HMGB1: variants seen among roughly 807,000 people sequenced by gnomAD.
HMGB1 encodes high mobility group protein B1.
For synonymous variants in HMGB1, 81 were observed against 84.0 expected, an observed-to-expected ratio of 0.96 and a Z score of 0.19; for missense variants, 79 against 253.5, an observed-to-expected ratio of 0.31 and a Z score of 4.67.
At chr13:30,571,575 T>C (rs1870437318) in intron 1 of HMGB1, among the ~76,000 whole-genome samples, 2 of 152,204 alleles carry the variant, frequency 1.3e-5, no homozygotes, top group Non-Finnish European at 2.9e-5. Flanking sequence ...ATTACAGGCG[T>C]GAGCCACCGT....
At chr13:30,570,529 C>A (rs1050671444) in intron 1 of HMGB1, among the ~76,000 whole-genome samples, 1 of 152,216 alleles carries the variant, frequency 6.6e-6, no homozygotes, top group African/African-American at 2.4e-5. Flanking sequence ...TGCATCCACA[C>A]GCTGACACAT....
At chr13:30,469,439 C>A (rs1440019988), upstream of HMGB1, among the ~76,000 whole-genome samples, 1 of 152,002 alleles carries the variant, frequency 6.6e-6, no homozygotes, top group Admixed American at 6.6e-5. Context: ...CACTGTACAC[C>A]TTAAAGGCAA....
chr13:30,567,129 C>A (rs1433203890), intron 1 of HMGB1, among the ~76,000 whole-genome samples: 1 of 152,172 alleles, frequency 6.6e-6, no homozygotes, highest in African/African-American at 2.4e-5. Flanking sequence ...TTACTAGTTT[C>A]AAGAATCAGG....
chr13:30,566,929 A>G (rs1870208569), intron 1 of HMGB1, among the ~76,000 whole-genome samples: 1 of 152,236 alleles, frequency 6.6e-6, no homozygotes, highest in Non-Finnish European at 1.5e-5. Flanking sequence ...GTAGTAACTA[A>G]TGTGGAGGAT....
At chr13:30,462,855 A>G (rs539199302) in intron 3 of HMGB1, 143 bp from the exon 4 acceptor site, 3 of 679,670 alleles carry the variant, frequency 4.4e-6, no homozygotes, top group Non-Finnish European at 7.5e-6. Context: ...AATATACTAA[A>G]TATCCTTCAC....
In HMGB1 at chr13:30,548,954, G is replaced by A. The variant is rs576815231; in HGVS notation, c.-15+67717C>T. ...ATAAAGGGACGGTGTGAGTTCCTTTGGGCTGCTTTCTTTCTTGATGTACTG... is the reference window on the plus strand; with the variant it reads ...ATAAAGGGACGGTGTGAGTTCCTTTAGGCTGCTTTCTTTCTTGATGTACTG... On this transcript the variant is annotated intron_variant, in intron 1 of 4. Transcript: ENST00000405805. Among the ~76,000 whole-genome samples, 51 of 152,232 alleles carry A rather than the reference G, an allele frequency of 3.4e-4. 2 individuals are homozygous for A. In the South Asian group the frequency reaches 8.1e-3, roughly 24 times the overall value.
At chr13:30,561,512 C>T (rs1869950185) in intron 1 of HMGB1, among the ~76,000 whole-genome samples, 1 of 152,136 alleles carries the variant, frequency 6.6e-6, no homozygotes, top group Admixed American at 6.5e-5. Context: ...AAGGACACTG[C>T]TGCCAAGTAG....
chr13:30,522,915 T>G (rs572818986), intron 1 of HMGB1, among the ~76,000 whole-genome samples: 1 of 152,078 alleles, frequency 6.6e-6, no homozygotes, highest in Non-Finnish European at 1.5e-5. Context: ...GGTTTCGCCA[T>G]ACTGCCCAGG....
intron 1 of HMGB1, among the ~76,000 whole-genome samples, chr13:30,529,580 G>A (rs1888450521): frequency 6.6e-6 from 1 of 152,210 alleles, no homozygotes; most frequent in African/African-American, 2.4e-5. Context: ...AGGCACTGCT[G>A]GGTGATGAAC....
chr13:30,465,789 G>C lies in HMGB1; in HGVS notation c.-15+7C>G. On this transcript the variant is annotated splice_region_variant and intron_variant, in intron 1 of 4. Transcript: ENST00000341423. ...CTCTCCCCGCCGCGGCGCTGCCCCA[G>C]ACTCACCCTCAGCGAGGCACAGAGT... is the stretch of plus-strand genomic sequence containing the variant. The C allele has an allele frequency of 9.1e-6, 9 of 985,740 alleles. No individual in the cohort carries two copies. Among genetic ancestry groups the C allele is most frequent in the South Asian group, 4.7e-5 (1 of 21,288 alleles). 61.1% of individuals were successfully genotyped at this position (985,740 alleles called of 1,614,324 possible). A position where few individuals can be genotyped will look rare whatever the true frequency, so the allele number is the denominator to read the frequency against.
At chr13:30,482,126 T>C (rs748806407) in intron 1 of HMGB1, among the ~76,000 whole-genome samples, 1 of 152,202 alleles carries the variant, frequency 6.6e-6, no homozygotes, top group Non-Finnish European at 1.5e-5. Context: ...CACATATTAT[T>C]GTCACATAGG....
At chr13:30,570,865 G>T (rs1264577286) in intron 1 of HMGB1, among the ~76,000 whole-genome samples, 1 of 152,176 alleles carries the variant, frequency 6.6e-6, no homozygotes, top group Non-Finnish European at 1.5e-5. Flanking sequence ...TTTTCTGGGG[G>T]AGTTCTAATT....
chr13:30,462,100 A>T (rs192948952), intron 4 of HMGB1, among the ~76,000 whole-genome samples: 1 of 152,342 alleles, frequency 6.6e-6, no homozygotes, highest in South Asian at 2.1e-4. Flanking sequence ...TGGACAGAGC[A>T]GCAGACTTGT....
intron 1 of HMGB1, among the ~76,000 whole-genome samples, chr13:30,577,886 C>T (rs1193716610): frequency 2.6e-5 from 4 of 152,208 alleles, no homozygotes; most frequent in Admixed American, 1.3e-4. Context: ...TGTTTTAAAA[C>T]ACTTCAGTGG....
At chr13:30,528,447 A>G (rs571130330) in intron 1 of HMGB1, among the ~76,000 whole-genome samples, 1 of 152,284 alleles carries the variant, frequency 6.6e-6, no homozygotes, top group Non-Finnish European at 1.5e-5. Context: ...CCATAAAAGG[A>G]CTACCGTATT....
chr13:30,526,689 C>T (rs868145034), intron 1 of HMGB1, among the ~76,000 whole-genome samples: 2 of 152,226 alleles, frequency 1.3e-5, no homozygotes, highest in African/African-American at 2.4e-5. Context: ...TATGGGGAGA[C>T]AGCAAGCCTG....
intron 1 of HMGB1, among the ~76,000 whole-genome samples, chr13:30,482,935 ACAC>A: frequency 7.0e-6 from 1 of 143,678 alleles, no homozygotes; most frequent in Non-Finnish European, 1.5e-5. Flanking sequence ...CTACAAGTGC[ACAC>A]CACCAACACC....
At chr13:30,473,536 C>T (rs1565998798) in intron 1 of HMGB1, among the ~76,000 whole-genome samples, 2 of 152,352 alleles carry the variant, frequency 1.3e-5, no homozygotes, top group Non-Finnish European at 2.9e-5. Flanking sequence ...AACTGCCTTA[C>T]ACCTTCAGAA....
chr13:30,512,942 C>T (rs1477043408), intron 1 of HMGB1, among the ~76,000 whole-genome samples: 1 of 152,150 alleles, frequency 6.6e-6, no homozygotes, highest in East Asian at 1.9e-4. Flanking sequence ...GTAGGCGAAT[C>T]ATTTGAGGTC....
Sources: gnomAD v4.1 joint callset for allele counts (sites outside exome capture counted in the v4.1 genomes callset) on GRCh38, gnomAD v4.1.1 for gene constraint, MANE v1.5 for transcripts, NCBI Gene and HGNC (gene_info 2026-07-23, HGNC 2026-07-21) for gene names.